MYO1E: variants seen among roughly 807,000 people sequenced by gnomAD.
MYO1E encodes myosin IE, also known as unconventional myosin-Ie.
A neutral mutation model predicts 151.1 loss-of-function variants in MYO1E; 68 were observed. The ratio of observed to expected loss-of-function variants is 0.45; its 90% confidence interval spans 0.37 to 0.55. The LOEUF is 0.55. MYO1E is among the 20% of genes least tolerant of loss of function. The pLI is 0.00. For missense variants in MYO1E, 1,363 were observed against 1,389.3 expected (o/e 0.98, Z 0.30); for synonymous variants, 601 against 501.7 (o/e 1.20, Z -2.64).
intron 1 of MYO1E, among the ~76,000 whole-genome samples, chr15:59,318,901 T>C (rs1189800950): frequency 6.6e-6 from 1 of 152,054 alleles, no homozygotes; most frequent in Non-Finnish European, 1.5e-5. Flanking sequence ...TCCTGTCTTA[T>C]AGAAACTGGG....
intron 26 of MYO1E, among the ~76,000 whole-genome samples, chr15:59,152,932 T>G (rs1693868626): frequency 6.6e-6 from 1 of 152,194 alleles, no homozygotes; most frequent in Non-Finnish European, 1.5e-5. Flanking sequence ...AAAATCTACC[T>G]CCTGGCAGAG....
chr15:59,245,829 A>T (rs1217156571), intron 4 of MYO1E, among the ~76,000 whole-genome samples: 1 of 152,246 alleles, frequency 6.6e-6, no homozygotes, highest in Non-Finnish European at 1.5e-5. Context: ...CTCTGGCCAC[A>T]TTGTCAAGAT....
intron 7 of MYO1E, among the ~76,000 whole-genome samples, 200 bp downstream of exon 7, chr15:59,227,259 A>T (rs2079997735): frequency 6.6e-6 from 1 of 152,204 alleles, no homozygotes; most frequent in African/African-American, 2.4e-5. Context: ...GCTTTGGAGG[A>T]ATTTCTGTCT....
In MYO1E at chr15:59,214,859, A is replaced by G. The variant is rs373473644; in HGVS notation, c.1108-139T>C. 40 of 742,882 alleles carry G rather than the reference A, an allele frequency of 5.4e-5. No homozygotes were observed. In the South Asian group the frequency reaches 5.5e-4, roughly 10 times the overall value. 46.0% of individuals were successfully genotyped at this position (742,882 alleles called of 1,614,324 possible). ...AACAGAGGACAAGTGAAGGCAGGAG[A>G]CTTGCTGCTTTAACAATCTCTCAGT... On this transcript the variant is annotated intron_variant, in intron 10 of 27. Transcript: ENST00000288235.
intron 14 of MYO1E, chr15:59,208,324 A>G: frequency 3.5e-6 from 2 of 563,740 alleles, no homozygotes; most frequent in South Asian, 4.7e-5. Flanking sequence ...GCCATGTTAT[A>G]TATATGTAGT....
At chr15:59,211,722 G>T (rs2079880503) in intron 12 of MYO1E, among the ~76,000 whole-genome samples, 2 of 152,052 alleles carry the variant, frequency 1.3e-5, no homozygotes, top group African/African-American at 4.8e-5. Context: ...GTTATCCAGG[G>T]TATAAAGCTA....
intron 1 of MYO1E, among the ~76,000 whole-genome samples, chr15:59,333,408 A>T (rs1261911781): frequency 1.3e-5 from 2 of 152,004 alleles, no homozygotes; most frequent in Non-Finnish European, 2.9e-5. Context: ...GCGCCTGGGT[A>T]ATTTTTGTAT....
At chr15:59,308,397 C>A (rs2140408653) in intron 1 of MYO1E, among the ~76,000 whole-genome samples, 1 of 151,794 alleles carries the variant, frequency 6.6e-6, no homozygotes, top group African/African-American at 2.4e-5. Flanking sequence ...TTAGGCTGGG[C>A]ACAATGGCTC....
At chr15:59,354,009 C>T (rs906277930) in intron 1 of MYO1E, among the ~76,000 whole-genome samples, 16 of 152,170 alleles carry the variant, frequency 1.1e-4, no homozygotes, top group African/African-American at 2.9e-4. Context: ...CTCTCACTTT[C>T]TCTACCACAC....
chr15:59,291,701 AAAAAAAAAAAAG>A (rs1196580794), intron 1 of MYO1E, among the ~76,000 whole-genome samples: 2 of 145,164 alleles, frequency 1.4e-5, no homozygotes, highest in African/African-American at 2.5e-5. Context: ...AAAAAAAAAA[AAAAAAAAAAAAG>A]AGAGAGAGAG....
intron 16 of MYO1E, 74 bp downstream of exon 16, chr15:59,202,252 A>G (rs2079806641): frequency 7.6e-7 from 1 of 1,311,974 alleles, no homozygotes; most frequent in South Asian, 1.2e-5. Context: ...ATCCTGGCCC[A>G]GGGGTGCAGT....
chr15:59,168,554 A>T (rs998626421), intron 22 of MYO1E, among the ~76,000 whole-genome samples: 6 of 152,112 alleles, frequency 3.9e-5, no homozygotes, highest in African/African-American at 1.4e-4. Context: ...CAAAAAAATA[A>T]AAAGTAGTAT....
rs891837695 is a variant in MYO1E at position 59,341,138 on chromosome 15, G to T, written c.3+31360C>A. Among the ~76,000 whole-genome samples, 4 of 151,892 alleles carry T rather than the reference G, an allele frequency of 2.6e-5. No homozygotes were observed. The East Asian group carries it at 7.7e-4, about 29-fold the overall frequency. Reference sequence around the variant, plus strand: ...GGTGTATATGGATATTTTGATACAGGCATGCAATGTGTAATAATCACATGA... The same window carrying T: ...GGTGTATATGGATATTTTGATACAGTCATGCAATGTGTAATAATCACATGA... On this transcript the variant is annotated intron_variant, in intron 1 of 27. Transcript: ENST00000288235.
chr15:59,252,844 C>T (rs1410991231), intron 4 of MYO1E, among the ~76,000 whole-genome samples: 2 of 152,172 alleles, frequency 1.3e-5, no homozygotes, highest in Non-Finnish European at 2.9e-5. Flanking sequence ...TGAGATCACA[C>T]CACTGCACTC....
chr15:59,210,619 G>A lies in MYO1E; in HGVS notation c.1276-19C>T, dbSNP rs1238396852. ...ATTCTTCCTGTAACACAGAGACAAG[G>A]AACTCACATTATTTCCCAGATAGCA... On this transcript the variant is annotated intron_variant, in intron 12 of 27. Coordinates refer to ENST00000288235, the MANE Select transcript of MYO1E (RefSeq NM_004998.4). 1.3e-6 allele frequency: 2 copies of A among 1,521,298 alleles called. No individual in the cohort carries two copies. The highest frequency in any genetic ancestry group is 2.7e-5 in the African/African-American group (2 of 73,004). 94.2% of individuals were successfully genotyped at this position (1,521,298 alleles called of 1,614,324 possible).
chr15:59,313,443 T>C (rs1338577312), intron 1 of MYO1E, among the ~76,000 whole-genome samples: 1 of 152,190 alleles, frequency 6.6e-6, no homozygotes, highest in African/African-American at 2.4e-5. Context: ...AGTGACTTAA[T>C]TGTGGTTATC....
At chr15:59,213,233 C>T (rs2079892107) in intron 12 of MYO1E, among the ~76,000 whole-genome samples, 1 of 151,318 alleles carries the variant, frequency 6.6e-6, no homozygotes. Flanking sequence ...TGCAGTGGCA[C>T]GATCTCAGCT....
intron 1 of MYO1E, among the ~76,000 whole-genome samples, chr15:59,305,047 G>A (rs539624236): frequency 5.3e-5 from 8 of 152,174 alleles, no homozygotes; most frequent in African/African-American, 9.7e-5. Context: ...GACCAGCGTC[G>A]AGCAACACTG....
At chr15:59,215,565 G>C (rs1283353853) in intron 10 of MYO1E, among the ~76,000 whole-genome samples, 3 of 152,128 alleles carry the variant, frequency 2.0e-5, no homozygotes, top group African/African-American at 4.8e-5. Context: ...GGGATGCAGT[G>C]GGGGAGGAAT....
Sources: gnomAD v4.1 joint callset for allele counts (sites outside exome capture counted in the v4.1 genomes callset) on GRCh38, gnomAD v4.1.1 for gene constraint, MANE v1.5 for transcripts, NCBI Gene and HGNC (gene_info 2026-07-23, HGNC 2026-07-21) for gene names.